Variants in SORCS1 observed in about 807,000 individuals in gnomAD.
SORCS1 encodes the protein sortilin related VPS10 domain containing receptor 1.
In SORCS1, 60 loss-of-function variants were observed where a neutral mutation model predicts 146.1. That is an observed-to-expected ratio of 0.41 (90% CI 0.33 to 0.51). The LOEUF (loss-of-function observed/expected upper bound fraction) is 0.51. SORCS1 is among the 20% of genes least tolerant of loss of function. The pLI, the probability that SORCS1 is intolerant of heterozygous loss-of-function variation, is 0.21. For synonymous variants in SORCS1, 637 were observed against 584.0 expected (o/e 1.09, Z -1.31); for missense variants, 1,352 against 1,487.6 (o/e 0.91, Z 1.50).
At chr10:106,908,053 T>C (rs1951988375) in intron 2 of SORCS1, among the ~76,000 whole-genome samples, 1 of 152,196 alleles carries the variant, frequency 6.6e-6, no homozygotes, top group South Asian at 2.1e-4. Flanking sequence ...CTTAAGTTCT[T>C]AATGACCATT....
chr10:106,767,052 C>T (rs999776), intron 4 of SORCS1, among the ~76,000 whole-genome samples: 69,209 of 151,898 alleles, frequency 0.46, 16,043 homozygotes, highest in African/African-American at 0.56. Flanking sequence ...GCTGGGGCTA[C>T]AAAGAGAGCC....
chr10:106,684,066 T>G lies in SORCS1; in HGVS notation c.1560+4126A>C, dbSNP rs187563091. ...AAACTGCCAGATAGGCCGGGCACGGTGGCTCATGCCTGTAATCCCAGCACT... is the reference window on the plus strand; with the variant it reads ...AAACTGCCAGATAGGCCGGGCACGGGGGCTCATGCCTGTAATCCCAGCACT... On this transcript the variant is annotated intron_variant, in intron 10 of 25. Coordinates refer to ENST00000263054, the MANE Select transcript of SORCS1 (RefSeq NM_052918.5). Among the ~76,000 whole-genome samples, 47 of 152,324 alleles carry G rather than the reference T, an allele frequency of 3.1e-4. No individual in the cohort carries two copies. In the East Asian group the frequency reaches 8.9e-3, roughly 29 times the overall value.
intron 6 of SORCS1, among the ~76,000 whole-genome samples, chr10:106,715,907 C>T (rs1855335018): frequency 6.6e-6 from 1 of 152,106 alleles, no homozygotes; most frequent in Admixed American, 6.5e-5. Flanking sequence ...CGCATGCCAC[C>T]ACGCCTGGCT....
At chr10:107,146,378 T>C (rs959260567) in intron 1 of SORCS1, among the ~76,000 whole-genome samples, 1 of 152,224 alleles carries the variant, frequency 6.6e-6, no homozygotes, top group Non-Finnish European at 1.5e-5. Context: ...TTCCTCTAAA[T>C]GTTTTCAATT....
intron 18 of SORCS1, among the ~76,000 whole-genome samples, chr10:106,646,734 A>C (rs1849466236): frequency 6.6e-6 from 1 of 152,032 alleles, no homozygotes; most frequent in Non-Finnish European, 1.5e-5. Flanking sequence ...TAGCTTTCAA[A>C]TTTTGATTGA....
chr10:106,983,744 C>G (rs1956334741), intron 1 of SORCS1, among the ~76,000 whole-genome samples: 1 of 152,172 alleles, frequency 6.6e-6, no homozygotes, highest in Non-Finnish European at 1.5e-5. Flanking sequence ...ACGCTGCCAT[C>G]TCTGTGTCTG....
intron 1 of SORCS1, among the ~76,000 whole-genome samples, chr10:107,005,540 G>C (rs1222066590): frequency 6.6e-6 from 1 of 152,052 alleles, no homozygotes; most frequent in African/African-American, 2.4e-5. Context: ...CAAGCATTAT[G>C]TTCTAAAAGT....
chr10:107,162,619 T>C (rs189066251), intron 1 of SORCS1, among the ~76,000 whole-genome samples: 1 of 152,324 alleles, frequency 6.6e-6, no homozygotes, highest in Admixed American at 6.5e-5. Flanking sequence ...GATACATCAA[T>C]GCTAAATATT....
chr10:106,928,913 C>CTA (rs35979026), intron 2 of SORCS1, among the ~76,000 whole-genome samples: 25 of 149,568 alleles, frequency 1.7e-4, no homozygotes, highest in Admixed American at 6.0e-4. Flanking sequence ...ATATATATAC[C>CTA]TATATATATA....
At chr10:106,800,370 G>T (rs2136632858) in intron 3 of SORCS1, among the ~76,000 whole-genome samples, 1 of 152,190 alleles carries the variant, frequency 6.6e-6, no homozygotes, top group Non-Finnish European at 1.5e-5. Context: ...CCTAAAGGTT[G>T]ATATCTCTGT....
At chr10:106,953,142 AGTGTGTGTGTGT>A (rs60289278) in intron 2 of SORCS1, among the ~76,000 whole-genome samples, 3,430 of 148,112 alleles carry the variant, frequency 0.023, 100 homozygotes, top group South Asian at 0.11. Flanking sequence ...CTGTGGGTAT[AGTGTGTGTGTGT>A]GTGTGTGTGT....
intron 5 of SORCS1, among the ~76,000 whole-genome samples, chr10:106,732,725 G>C (rs537191722): frequency 4.3e-4 from 65 of 152,240 alleles, no homozygotes; most frequent in African/African-American, 1.5e-3. Flanking sequence ...TGTGCGTATA[G>C]TCTCAAATAA....
intron 16 of SORCS1, among the ~76,000 whole-genome samples, chr10:106,670,476 C>A (rs565683191): frequency 1.3e-5 from 2 of 152,304 alleles, no homozygotes; most frequent in South Asian, 4.1e-4. Flanking sequence ...CTGAGTTCAG[C>A]AACATCTTCC....
At position 107,092,883 on chromosome 10, in the gene SORCS1, G is replaced by GAAA. The variant is rs34184443; in HGVS notation, c.558+71083_558+71085dup. ...GGTTCACGGGCTAAAAGAAGACCAT[G>GAAA]AAAAAAAAAAAAAAAAAAAAAAACC... On this transcript the variant is annotated intron_variant, in intron 1 of 25. Transcript: ENST00000263054. 7.4e-3 allele frequency among the ~76,000 whole-genome samples: 457 copies of GAAA among 61,482 alleles called. 15 individuals carry two copies. The highest frequency in any genetic ancestry group is 0.022 in the African/African-American group (356 of 16,100). 40.3% of individuals were successfully genotyped at this position (61,482 alleles called of 152,430 possible). A position where few individuals can be genotyped will look rare whatever the true frequency, so the allele number is the denominator to read the frequency against.
chr10:106,600,323 T>G (rs1207581033), intron 23 of SORCS1: 12 of 947,704 alleles, frequency 1.3e-5, no homozygotes, highest in Non-Finnish European at 1.5e-5. Context: ...TTAAAAATTA[T>G]CTGGTAACAG....
intron 25 of SORCS1, chr10:106,579,009 T>C (rs897639839): frequency 5.2e-6 from 8 of 1,544,564 alleles, no homozygotes; most frequent in Non-Finnish European, 6.1e-6. Flanking sequence ...AAAGTGGTTA[T>C]GTCAAGCCAG....
rs568743816 is a variant in SORCS1 at position 106,881,617 on chromosome 10, T to C, written c.627-51944A>G. ...TCCCACCTAATAAAACTGGAACCTA[T>C]TATCTATCTACAACATGTACTCATG... On this transcript the variant is annotated intron_variant, in intron 2 of 25. Transcript: ENST00000263054. Among the ~76,000 whole-genome samples, 153 of 152,338 alleles carry C rather than the reference T, an allele frequency of 1.0e-3. 1 individual carries two copies. Among genetic ancestry groups the C allele is most frequent in the Non-Finnish European group, 1.7e-3 (113 of 68,034 alleles).
chr10:106,910,731 T>C (rs1039375028), intron 2 of SORCS1, among the ~76,000 whole-genome samples: 2 of 152,176 alleles, frequency 1.3e-5, no homozygotes, highest in Non-Finnish European at 2.9e-5. Flanking sequence ...TGCCCATCCA[T>C]GGTCCTTCAG....
At chr10:106,612,630 G>A (rs1302342189) in intron 21 of SORCS1, among the ~76,000 whole-genome samples, 1 of 151,970 alleles carries the variant, frequency 6.6e-6, no homozygotes, top group African/African-American at 2.4e-5. Flanking sequence ...GAGGGCAAGG[G>A]CAAGAACAGG....
Sources: gnomAD v4.1 joint callset for allele counts (sites outside exome capture counted in the v4.1 genomes callset) on GRCh38, gnomAD v4.1.1 for gene constraint, MANE v1.5 for transcripts, NCBI Gene and HGNC (gene_info 2026-07-23, HGNC 2026-07-21) for gene names.